CEP170: variants seen among roughly 807,000 people sequenced by gnomAD.
The protein encoded by CEP170 is centrosomal protein 170.
CEP170 carries 21 observed loss-of-function variants against 151.9 expected under a neutral mutation model. The ratio of observed to expected loss-of-function variants is 0.14; its 90% CI spans 0.10 to 0.20. The LOEUF is 0.20. CEP170 is among the 10% of genes least tolerant of loss of function. CEP170 has a pLI of 1.00. For missense variants in CEP170, 964 were observed against 1,892.9 expected, an observed-to-expected ratio of 0.51 and a Z score of 9.11; for synonymous variants, 356 against 648.8, an observed-to-expected ratio of 0.55 and a Z score of 6.86.
Position 243,156,322 on chromosome 1 carries a change from G to A in CEP170, c.3810C>T (p.Ser1270=), listed in dbSNP as rs1489010109. The A allele has an allele frequency of 2.5e-6, 4 of 1,589,462 alleles. No individual in the cohort carries two copies. The highest frequency in any genetic ancestry group is 2.7e-5 in the African/African-American group (2 of 74,132). Residue 1270 remains serine (S), a synonymous_variant, in exon 14 of 20, where the codon AGC becomes AGT. Coordinates refer to ENST00000366542, the MANE Select transcript of CEP170 (RefSeq NM_014812.3). ...SPALKTTRLQ[S]AGSAMPTSSS... Reference sequence around the variant, plus strand: ...AACTAGTAGGCATTGCTGATCCAGCGCTCTGCAAGCGAGTGGTTTTCAGGG... The same window carrying A: ...AACTAGTAGGCATTGCTGATCCAGCACTCTGCAAGCGAGTGGTTTTCAGGG...
At chr1:243,234,311 C>CA (rs2064062681) in intron 1 of CEP170, among the ~76,000 whole-genome samples, 1 of 152,196 alleles carries the variant, frequency 6.6e-6, no homozygotes, top group African/African-American at 2.4e-5. Flanking sequence ...ATCCATGTGA[C>CA]AACTTTTCTT....
Position 243,221,810 on chromosome 1 carries a change from G to A in CEP170, c.109C>T (p.Arg37Cys). 6.2e-7 allele frequency: 1 copy of A among 1,607,784 alleles called. No individual in the cohort carries two copies. Among genetic ancestry groups the A allele is most frequent in the Non-Finnish European group, 8.5e-7 (1 of 1,177,700 alleles). The change falls in exon 3 of 20, where the codon CGT becomes TGT. Residue 37 changes from arginine to cysteine, a missense_variant. Transcript: ENST00000366542. ...RDDCELMLQS[R>C]SVDKQHAVIN... ...ACAGCGTGTTGCTTATCCACACTAC[G>A]AGACTGAAAGGAATGTTGTCAGTTA...
chr1:243,148,772 T>C (rs541108547), intron 14 of CEP170, among the ~76,000 whole-genome samples: 11 of 152,220 alleles, frequency 7.2e-5, no homozygotes, highest in African/African-American at 2.6e-4. Context: ...TTCCTAATGA[T>C]AAGGAAAGAT....
At chr1:243,177,103 A>G (rs1470756009) in intron 10 of CEP170, among the ~76,000 whole-genome samples, 4 of 152,224 alleles carry the variant, frequency 2.6e-5, no homozygotes, top group African/African-American at 9.6e-5. Context: ...TTTCATGCAG[A>G]TAAATATCCT....
intron 7 of CEP170, among the ~76,000 whole-genome samples, chr1:243,193,547 G>T (rs2060450874): frequency 6.6e-6 from 1 of 152,052 alleles, no homozygotes; most frequent in Non-Finnish European, 1.5e-5. Context: ...CAGGGATATA[G>T]CACTTATCAA....
chr1:243,178,310 A>G (rs1283967085), intron 10 of CEP170, among the ~76,000 whole-genome samples: 4 of 143,730 alleles, frequency 2.8e-5, no homozygotes, highest in Non-Finnish European at 6.1e-5. Context: ...CTCTGCCTCA[A>G]AAAAAAAAAA....
At chr1:243,180,060 A>G (rs765042941) in intron 10 of CEP170, among the ~76,000 whole-genome samples, 1 of 152,230 alleles carries the variant, frequency 6.6e-6, no homozygotes, top group Admixed American at 6.5e-5. Context: ...AACGTATTTA[A>G]TAACACTAAA....
chr1:243,167,950 T>C (rs1304865761), intron 12 of CEP170, among the ~76,000 whole-genome samples: 1 of 152,032 alleles, frequency 6.6e-6, no homozygotes, highest in Non-Finnish European at 1.5e-5. Flanking sequence ...TCAGCTTATG[T>C]AAATAAGTTC....
At chr1:243,215,606 C>G (rs1246596782) in intron 3 of CEP170, among the ~76,000 whole-genome samples, 1 of 152,194 alleles carries the variant, frequency 6.6e-6, no homozygotes, top group Non-Finnish European at 1.5e-5. Context: ...GTTGTCTGCT[C>G]TCAAACCCTG....
intron 3 of CEP170, among the ~76,000 whole-genome samples, chr1:243,216,663 A>C (rs2062330982): frequency 6.6e-6 from 1 of 152,190 alleles, no homozygotes; most frequent in Non-Finnish European, 1.5e-5. Context: ...AATCAGAAAA[A>C]GTTACAATCT....
intron 3 of CEP170, among the ~76,000 whole-genome samples, chr1:243,219,012 TA>T (rs2148965807): frequency 6.6e-6 from 1 of 152,356 alleles, no homozygotes; most frequent in Admixed American, 6.5e-5. Flanking sequence ...AGGCTGCGAA[TA>T]ATAGTCTACA....
chr1:243,249,152 G>T (rs1433050779), intron 1 of CEP170, among the ~76,000 whole-genome samples: 1 of 152,060 alleles, frequency 6.6e-6, no homozygotes, highest in South Asian at 2.1e-4. Flanking sequence ...ATGGCCAGGC[G>T]TGGTGGTTCA....
At chr1:243,130,900 A>G (rs1174863387) in intron 17 of CEP170, among the ~76,000 whole-genome samples, 3 of 151,822 alleles carry the variant, frequency 2.0e-5, no homozygotes, top group Non-Finnish European at 2.9e-5. Flanking sequence ...TTTCTAAATT[A>G]TTATGTTCTT....
chr1:243,194,594 T>C (rs2060519161), intron 7 of CEP170, among the ~76,000 whole-genome samples: 1 of 151,872 alleles, frequency 6.6e-6, no homozygotes, highest in Non-Finnish European at 1.5e-5. Context: ...TCCCTAAAGA[T>C]GATAAAAACA....
intron 19 of CEP170, among the ~76,000 whole-genome samples, chr1:243,127,378 G>A (rs1472245837): frequency 2.0e-5 from 3 of 152,156 alleles, no homozygotes; most frequent in Non-Finnish European, 4.4e-5. Flanking sequence ...AAGATCTTTG[G>A]GTTGACATGG....
chr1:243,129,644 T>C (rs990057034), intron 17 of CEP170, among the ~76,000 whole-genome samples, 191 bp from the exon 18 acceptor site: 1 of 152,156 alleles, frequency 6.6e-6, no homozygotes, highest in African/African-American at 2.4e-5. Context: ...TCCAATTGAA[T>C]GCTTATTAAT....
At position 243,201,154 on chromosome 1, in the gene CEP170, A is replaced by G. The variant is rs1401605017; in HGVS notation, c.275-319T>C. ...CAATAATATGAGATAACTACAAAGAAAAAGTACATGCATCAAATTATATTG... is the reference window on the plus strand; with the variant it reads ...CAATAATATGAGATAACTACAAAGAGAAAGTACATGCATCAAATTATATTG... On this transcript the variant is annotated intron_variant, in intron 4 of 19. Transcript: ENST00000366542. Among the ~76,000 whole-genome samples the G allele has an allele frequency of 9.2e-5, 14 of 152,096 alleles. No individual in the cohort carries two copies. The East Asian group carries it at 2.7e-3, about 29-fold the overall frequency.
At chr1:243,182,971 CTTT>C (rs201854768) in intron 10 of CEP170, among the ~76,000 whole-genome samples, 1 of 143,824 alleles carries the variant, frequency 7.0e-6, no homozygotes, top group Non-Finnish European at 1.5e-5. Flanking sequence ...ACAGTGACTA[CTTT>C]TTTTTTTTTT....
In CEP170 at chr1:243,239,093, C is replaced by T. The variant is rs1267232483; in HGVS notation, c.-41-13772G>A. ...TTACACATATAATTTCAAGTCAAAA[C>T]CTTTTTTACAAGATCAGACCTTCCC... On this transcript the variant is annotated intron_variant, in intron 1 of 19. Transcript: ENST00000366542. 1.1e-4 allele frequency among the ~76,000 whole-genome samples: 17 copies of T among 152,232 alleles called. 1 individual carries two copies. Among genetic ancestry groups the T allele is most frequent in the Admixed American group, 1.0e-3 (16 of 15,288 alleles).
Sources: gnomAD v4.1 joint callset for allele counts (sites outside exome capture counted in the v4.1 genomes callset) on GRCh38, gnomAD v4.1.1 for gene constraint, MANE v1.5 for transcripts, NCBI Gene and HGNC (gene_info 2026-07-23, HGNC 2026-07-21) for gene names.